The following COL4A3 variants were observed in gnomAD, a reference collection of about 807,000 sequenced individuals.
COL4A3 encodes collagen alpha-3(IV) chain.
Under a neutral mutation model 217.4 loss-of-function variants are expected in COL4A3, and 135 were observed. That is an observed-to-expected ratio of 0.62 (90% CI 0.54 to 0.72). The LOEUF is 0.72. Among genes scored for constraint, COL4A3 ranks in the 30% least tolerant of loss-of-function variants. The pLI, the probability that COL4A3 is intolerant of heterozygous loss-of-function variation, is 0.00. For synonymous variants in COL4A3, 690 were observed against 736.3 expected (o/e 0.94, Z 1.02); for missense variants, 1,868 against 2,119.9 (o/e 0.88, Z 2.33).
rs1559819644 is a variant in COL4A3, at chr2:227,202,856, TATATA to T, written c.88-35111_88-35107del. Among the ~76,000 whole-genome samples, 67 of 36,582 alleles carry T rather than the reference TATATA, an allele frequency of 1.8e-3. 8 individuals are homozygous for T. Among genetic ancestry groups the T allele is most frequent in the Non-Finnish European group, 2.8e-3 (58 of 20,798 alleles). The allele number at this position is 36,582 out of a possible 152,430, so 24.0% of individuals were successfully genotyped here. ...CTATGTGTATATATACATATGTGTA[TATATA>T]CATATATGTGTATATATACATATGT... On this transcript the variant is annotated intron_variant, in intron 1 of 51. Coordinates refer to ENST00000396578, the MANE Select transcript of COL4A3 (RefSeq NM_000091.5).
chr2:227,175,880 T>C (rs1037537870), intron 1 of COL4A3, among the ~76,000 whole-genome samples: 4 of 152,316 alleles, frequency 2.6e-5, no homozygotes, highest in Admixed American at 1.3e-4. Context: ...TCAGCCCACA[T>C]ATAAAATGGT....
rs539897683 is a variant in COL4A3 at position 227,197,638 on chromosome 2, A to G, written c.87+32825A>G. Among the ~76,000 whole-genome samples, 9 of 152,350 alleles carry G rather than the reference A, an allele frequency of 5.9e-5. No individual in the cohort carries two copies. The South Asian group carries it at 1.9e-3, about 32-fold the overall frequency. ...TGTTTATGTCAAAAGAGAAAGACAT[A>G]ATCTTATCCCTAAGGTTACCAGAAA... is the stretch of plus-strand genomic sequence containing the variant. On this transcript the variant is annotated intron_variant, in intron 1 of 51. Coordinates refer to ENST00000396578, the MANE Select transcript of COL4A3 (RefSeq NM_000091.5).
At chr2:227,308,361 C>T (rs1237119191) in intron 48 of COL4A3, among the ~76,000 whole-genome samples, 3 of 152,218 alleles carry the variant, frequency 2.0e-5, no homozygotes. Context: ...TACAGGCACA[C>T]ACCACTATAC....
chr2:227,235,507 TC>T (rs1467791379), intron 1 of COL4A3, among the ~76,000 whole-genome samples: 4 of 152,278 alleles, frequency 2.6e-5, no homozygotes, highest in African/African-American at 9.6e-5. Context: ...ATGGATAAGT[TC>T]TTTAGTGGTG....
At chr2:227,170,220 T>G (rs894448488) in intron 1 of COL4A3, among the ~76,000 whole-genome samples, 4 of 152,160 alleles carry the variant, frequency 2.6e-5, no homozygotes, top group African/African-American at 9.7e-5. Context: ...TAACAGTTTG[T>G]AGATACTCTT....
chr2:227,165,443 T>C (rs1417323954), intron 1 of COL4A3, among the ~76,000 whole-genome samples: 2 of 152,204 alleles, frequency 1.3e-5, no homozygotes, highest in Admixed American at 1.3e-4. Context: ...TTGATTTGAT[T>C]TTTGACTTGG....
Position 227,290,219 on chromosome 2 carries a change from C to T in COL4A3, c.3070+131C>T, listed in dbSNP as rs547617881. The stretch of plus-strand genomic sequence containing the variant: ...TATTAAAAAACTAGATTTGCGGGGC[C>T]GGGCACGGTGGCTCATGCCTGTAAT... On this transcript the variant is annotated intron_variant, in intron 36 of 51. Coordinates refer to ENST00000396578, the MANE Select transcript of COL4A3 (RefSeq NM_000091.5). The T allele has an allele frequency of 3.1e-5, 26 of 845,742 alleles. No individual in the cohort carries two copies. The East Asian group carries it at 4.4e-4, about 14-fold the overall frequency. 52.4% of individuals were successfully genotyped at this position (845,742 alleles called of 1,614,324 possible).
Position 227,279,806 on chromosome 2 carries a change from TC to T in COL4A3, c.2141del (p.Pro714GlnfsTer33). ...TTTTCTCTGTAGGAGACCAAGGTTT[TC>T]CAGGTACAAAAGGATCACTGGGTTG... is the stretch of plus-strand genomic sequence containing the variant. ...PPGPKGDQGF[P>X]GTKGSLGCPG... On this transcript the variant is annotated frameshift_variant, in exon 29 of 52. Transcript: ENST00000396578. LOFTEE classifies it high-confidence loss of function. 6.2e-7 allele frequency: 1 copy of T among 1,608,138 alleles called. No homozygotes were observed. The highest frequency in any genetic ancestry group is 1.1e-5 in the South Asian group (1 of 89,530).
At chr2:227,230,700 T>A (rs1264951547) in intron 1 of COL4A3, among the ~76,000 whole-genome samples, 1 of 152,216 alleles carries the variant, frequency 6.6e-6, no homozygotes, top group Non-Finnish European at 1.5e-5. Context: ...AATTTTTGAA[T>A]TACTGAAACA....
In COL4A3 at chr2:227,244,822, G is replaced by A. The variant is rs190001013; in HGVS notation, c.280-129G>A. ...ACCTTTAGTATTTGTTTTCCCAATCGTTTCGAGCTATTCCCAGTTATAGTG... is the reference window on the plus strand; with the variant it reads ...ACCTTTAGTATTTGTTTTCCCAATCATTTCGAGCTATTCCCAGTTATAGTG... On this transcript the variant is annotated intron_variant, in intron 4 of 51. Coordinates refer to ENST00000396578, the MANE Select transcript of COL4A3 (RefSeq NM_000091.5). 3.1e-4 allele frequency: 297 copies of A among 950,486 alleles called. No homozygotes were observed. The Admixed American group carries it at 4.5e-3, about 14-fold the overall frequency. 58.9% of individuals were successfully genotyped at this position (950,486 alleles called of 1,614,324 possible). A position where few individuals can be genotyped will look rare whatever the true frequency, so the allele number is the denominator to read the frequency against.
chr2:227,230,790 C>G (rs2068360749), intron 1 of COL4A3, among the ~76,000 whole-genome samples: 1 of 152,216 alleles, frequency 6.6e-6, no homozygotes, highest in Admixed American at 6.5e-5. Context: ...CTACTGTCAT[C>G]ACCATCCAAA....
At chr2:227,168,307 T>C (rs1173036934) in intron 1 of COL4A3, among the ~76,000 whole-genome samples, 1 of 152,234 alleles carries the variant, frequency 6.6e-6, no homozygotes, top group African/African-American at 2.4e-5. Flanking sequence ...TGTACCAGAG[T>C]GCCTGTTTCC....
chr2:227,210,874 TTGGGGGGAACTCTA>T (rs1352060007), intron 1 of COL4A3, among the ~76,000 whole-genome samples: 2 of 29,462 alleles, frequency 6.8e-5, no homozygotes, highest in Non-Finnish European at 2.7e-4. Flanking sequence ...TTTCACCTGT[TTGGGGGGAACTCTA>T]TATAAATGGA....
chr2:227,245,490 G>A (rs994845675), intron 5 of COL4A3, among the ~76,000 whole-genome samples: 1 of 152,082 alleles, frequency 6.6e-6, no homozygotes, highest in Non-Finnish European at 1.5e-5. Flanking sequence ...GAGTATCTAT[G>A]GATTTTGGTA....
intron 1 of COL4A3, among the ~76,000 whole-genome samples, chr2:227,177,214 A>G (rs1577031777): frequency 7.1e-6 from 1 of 141,302 alleles, no homozygotes; most frequent in South Asian, 2.2e-4. Context: ...CAGTGGCGCC[A>G]TCTAGGCCCA....
chr2:227,194,759 T>G (rs192457455), intron 1 of COL4A3, among the ~76,000 whole-genome samples: 1 of 152,282 alleles, frequency 6.6e-6, no homozygotes, highest in East Asian at 1.9e-4. Context: ...TGCTGTAAAT[T>G]CATAAATATT....
intron 1 of COL4A3, among the ~76,000 whole-genome samples, chr2:227,180,141 T>C (rs1480150561): frequency 6.6e-6 from 1 of 152,210 alleles, no homozygotes; most frequent in Non-Finnish European, 1.5e-5. Flanking sequence ...TTAGTAGCAG[T>C]GCTTCAAGGT....
rs6746851 is a variant in COL4A3, at chr2:227,170,573, T to A, written c.87+5760T>A. On this transcript the variant is annotated intron_variant, in intron 1 of 51. Transcript: ENST00000396578. Reference sequence around the variant, plus strand: ...TCAGTACCACAAGAAACCACCCCCATGATTCAACTATCTCCCACCGAGTCC... The same window carrying A: ...TCAGTACCACAAGAAACCACCCCCAAGATTCAACTATCTCCCACCGAGTCC... 8.8e-3 allele frequency among the ~76,000 whole-genome samples: 1,335 copies of A among 152,072 alleles called. 12 individuals are homozygous for A. The highest frequency in any genetic ancestry group is 0.03 in the African/African-American group (1,248 of 41,498).
chr2:227,246,500 A>G (rs1370522727), intron 6 of COL4A3, among the ~76,000 whole-genome samples, 185 bp from the exon 7 acceptor site: 1 of 152,228 alleles, frequency 6.6e-6, no homozygotes, highest in Non-Finnish European at 1.5e-5. Flanking sequence ...ACAGTATTCT[A>G]ATCCTGTTTT....
Sources: gnomAD v4.1 joint callset for allele counts (sites outside exome capture counted in the v4.1 genomes callset) on GRCh38, gnomAD v4.1.1 for gene constraint, MANE v1.5 for transcripts, NCBI Gene and HGNC (gene_info 2026-07-23, HGNC 2026-07-21) for gene names.